Variants in NWD2 observed in about 807,000 individuals in gnomAD.
NWD2 encodes NACHT and WD repeat domain containing 2, also known as NACHT and WD repeat domain-containing protein 2.
A neutral mutation model predicts 132.7 loss-of-function variants in NWD2; 37 were observed. The ratio of observed to expected loss-of-function variants is 0.28; its 90% CI spans 0.21 to 0.37. The LOEUF (loss-of-function observed/expected upper bound fraction) is 0.37, where lower values mean the gene tolerates loss of function less well. NWD2 is among the 10% of genes least tolerant of loss of function. The pLI is 1.00. For synonymous variants in NWD2, 705 were observed against 803.0 expected, an observed-to-expected ratio of 0.88 and a Z score of 2.06; for missense variants, 1,592 against 2,122.4, an observed-to-expected ratio of 0.75 and a Z score of 4.91.
At chr4:37,277,452 T>C (rs1360484986) in intron 1 of NWD2, among the ~76,000 whole-genome samples, 1 of 152,076 alleles carries the variant, frequency 6.6e-6, no homozygotes, top group Non-Finnish European at 1.5e-5. Flanking sequence ...TTCATTTGTC[T>C]TTAATCTTGG....
intron 3 of NWD2, among the ~76,000 whole-genome samples, chr4:37,429,396 C>A (rs752991082): frequency 1.3e-5 from 2 of 152,084 alleles, no homozygotes; most frequent in South Asian, 4.1e-4. Context: ...CTCACTGAAA[C>A]CTCCCTCTTC....
At chr4:37,348,327 C>G (rs974262193) in intron 2 of NWD2, among the ~76,000 whole-genome samples, 1 of 152,042 alleles carries the variant, frequency 6.6e-6, no homozygotes, top group African/African-American at 2.4e-5. Flanking sequence ...ATTTAGTTTT[C>G]CCACATAAAT....
chr4:37,341,691 G>T (rs1457925765), intron 2 of NWD2, among the ~76,000 whole-genome samples: 1 of 152,114 alleles, frequency 6.6e-6, no homozygotes, highest in African/African-American at 2.4e-5. Context: ...TCTACTACTT[G>T]TTTCCTGTGT....
intron 1 of NWD2, among the ~76,000 whole-genome samples, chr4:37,314,885 A>G (rs1718928371): frequency 6.6e-6 from 1 of 152,154 alleles, no homozygotes; most frequent in Non-Finnish European, 1.5e-5. Flanking sequence ...TTACTTTTAC[A>G]GGTGTTCAAA....
chr4:37,394,811 T>TTGTTTTGTTTTG lies in NWD2; in HGVS notation c.358-35760_358-35759insGTTTTGTTTTGT, dbSNP rs1329738455. Reference sequence around the variant, plus strand: ...GTGAACCTTTATGGTTTTTTTTTTTTTTTTTTTTTTTTTTTTTGAGGCAGA... The same window carrying TTGTTTTGTTTTG: ...GTGAACCTTTATGGTTTTTTTTTTTTTGTTTTGTTTTGTTTTTTTTTTTTTTTTTGAGGCAGA... On this transcript the variant is annotated intron_variant, in intron 3 of 6. Coordinates refer to ENST00000309447, the MANE Select transcript of NWD2 (RefSeq NM_001144990.2). Among the ~76,000 whole-genome samples the TTGTTTTGTTTTG allele has an allele frequency of 3.6e-3, 436 of 120,808 alleles. 10 individuals are homozygous for TTGTTTTGTTTTG. The highest frequency in any genetic ancestry group is 8.2e-3 in the East Asian group (34 of 4,162). The allele number at this position is 120,808 out of a possible 152,430, so 79.3% of individuals were successfully genotyped here. A position where few individuals can be genotyped will look rare whatever the true frequency, so the allele number is the denominator to read the frequency against.
intron 3 of NWD2, among the ~76,000 whole-genome samples, chr4:37,414,902 T>C (rs1023871821): frequency 1.3e-5 from 2 of 152,240 alleles, no homozygotes; most frequent in Admixed American, 6.5e-5. Flanking sequence ...TGTTGGATTC[T>C]ATATTTTACA....
At chr4:37,370,365 A>G (rs1270782208) in intron 3 of NWD2, among the ~76,000 whole-genome samples, 1 of 152,216 alleles carries the variant, frequency 6.6e-6, no homozygotes, top group Admixed American at 6.5e-5. Context: ...TAGAATATTT[A>G]TATGCCACCA....
chr4:37,266,185 C>T (rs1717748153), intron 1 of NWD2, among the ~76,000 whole-genome samples: 1 of 151,998 alleles, frequency 6.6e-6, no homozygotes, highest in African/African-American at 2.4e-5. Flanking sequence ...TCTGATTTTC[C>T]CAAATTAGCC....
Position 37,445,140 on chromosome 4 carries a change from G to A in NWD2, c.3152G>A (p.Gly1051Glu). The A allele has an allele frequency of 1.9e-6, 3 of 1,552,034 alleles. No homozygotes were observed. The highest frequency in any genetic ancestry group is 2.6e-6 in the Non-Finnish European group (3 of 1,147,082). ...CTCCTGTCTGAAGTAGAAATCAAGG[G>A]GACCAAGCATGGAAGCAGCGCCACC... Reference protein sequence around the residue: ...SCLLSEVEIKGTKHGSSATYI... With the variant: ...SCLLSEVEIKETKHGSSATYI... The change falls in exon 7 of 7, where the codon GGG becomes GAG. Residue 1051 changes from glycine to glutamate, a missense_variant. Transcript: ENST00000309447. This position sits in a 1 kb window ranked among gnomAD's most constrained non-coding sequence, Gnocchi z 4.7.
chr4:37,421,909 A>T (rs1711820208), intron 3 of NWD2, among the ~76,000 whole-genome samples: 1 of 152,168 alleles, frequency 6.6e-6, no homozygotes, highest in African/African-American at 2.4e-5. Flanking sequence ...GTCAGGTTCC[A>T]GTGAGGGCTG....
chr4:37,328,472 C>T (rs1353086279), intron 2 of NWD2, among the ~76,000 whole-genome samples: 2 of 151,970 alleles, frequency 1.3e-5, no homozygotes, highest in Non-Finnish European at 2.9e-5. Flanking sequence ...TCAATGCCCA[C>T]TTATGAGTGA....
At chr4:37,296,170 G>A (rs986500125) in intron 1 of NWD2, among the ~76,000 whole-genome samples, 6 of 152,012 alleles carry the variant, frequency 3.9e-5, no homozygotes, top group African/African-American at 9.7e-5. Context: ...ACCATTTCAC[G>A]TGGCCCCCAA....
Position 37,447,369 on chromosome 4 carries a change from G to T in NWD2, c.*152G>T. 1 of 646,554 alleles carries T rather than the reference G, an allele frequency of 1.5e-6. No homozygotes were observed. The allele number at this position is 646,554 out of a possible 1,614,324, so 40.1% of individuals were successfully genotyped here. A position where few individuals can be genotyped will look rare whatever the true frequency, so the allele number is the denominator to read the frequency against. ...AGATGTTCATGAAATGGACAAATAG[G>T]TTAGTCTTGGGTGTGGTCTTTTTGT... On this transcript the variant is annotated 3_prime_UTR_variant, in exon 7 of 7. Coordinates refer to ENST00000309447, the MANE Select transcript of NWD2 (RefSeq NM_001144990.2).
intron 3 of NWD2, among the ~76,000 whole-genome samples, chr4:37,404,861 C>T (rs1489618358): frequency 6.6e-6 from 1 of 152,118 alleles, no homozygotes; most frequent in Admixed American, 6.5e-5. Flanking sequence ...TTATAAACAA[C>T]CAGATCTGGT....
At chr4:37,407,746 T>A (rs1721074415) in intron 3 of NWD2, among the ~76,000 whole-genome samples, 1 of 152,126 alleles carries the variant, frequency 6.6e-6, no homozygotes, top group Non-Finnish European at 1.5e-5. Flanking sequence ...TAGGGCAACA[T>A]GGTGGAATAG....
At chr4:37,258,608 A>G (rs1717566506) in intron 1 of NWD2, among the ~76,000 whole-genome samples, 1 of 152,206 alleles carries the variant, frequency 6.6e-6, no homozygotes, top group Admixed American at 6.5e-5. Flanking sequence ...TTGGAATTTG[A>G]AAAGGTCTAG....
At chr4:37,279,681 A>G (rs1288381554) in intron 1 of NWD2, among the ~76,000 whole-genome samples, 1 of 152,226 alleles carries the variant, frequency 6.6e-6, no homozygotes, top group Non-Finnish European at 1.5e-5. Context: ...TGAAAAAGAT[A>G]TCACTTTACA....
intron 3 of NWD2, among the ~76,000 whole-genome samples, chr4:37,367,249 A>AC (rs763400816): frequency 6.6e-6 from 1 of 152,198 alleles, no homozygotes; most frequent in Non-Finnish European, 1.5e-5. Context: ...AAAGTAGAAA[A>AC]ATCACAAGGG....
chr4:37,305,555 A>G (rs1718695311), intron 1 of NWD2, among the ~76,000 whole-genome samples: 2 of 152,174 alleles, frequency 1.3e-5, no homozygotes, highest in South Asian at 4.1e-4. Context: ...ATCATAAAAG[A>G]TGTTGAATTT....
Sources: gnomAD v4.1 joint callset for allele counts (sites outside exome capture counted in the v4.1 genomes callset) on GRCh38, gnomAD v4.1.1 for gene constraint, Gnocchi (gnomAD v3.1) non-coding constraint, MANE v1.5 for transcripts, NCBI Gene and HGNC (gene_info 2026-07-23, HGNC 2026-07-21) for gene names.